Variants in CGGBP1 observed in about 807,000 individuals in gnomAD.
CGGBP1 encodes CGG triplet repeat-binding protein 1.
A neutral mutation model predicts 11.4 loss-of-function variants in CGGBP1; 4 were observed. The observed-to-expected ratio is 0.35, with a 90% CI of 0.17 to 0.80. The LOEUF is 0.80. CGGBP1 is among the 30% of genes least tolerant of loss of function. The pLI, the probability that CGGBP1 is intolerant of heterozygous loss-of-function variation, is 0.52. For missense variants in CGGBP1, 135 were observed against 202.1 expected, an observed-to-expected ratio of 0.67 and a Z score of 2.01; for synonymous variants, 76 against 74.1, an observed-to-expected ratio of 1.03 and a Z score of -0.13.
At chr3:88,133,415 A>T (rs1706581096) in intron 2 of CGGBP1, among the ~76,000 whole-genome samples, 1 of 152,150 alleles carries the variant, frequency 6.6e-6, no homozygotes, top group Non-Finnish European at 1.5e-5. Flanking sequence ...AATAGGTAGG[A>T]TCGATAAAAT....
chr3:88,084,776 G>A (rs556457188), intron 2 of CGGBP1, among the ~76,000 whole-genome samples: 2 of 152,152 alleles, frequency 1.3e-5, no homozygotes, highest in Non-Finnish European at 2.9e-5. Context: ...AGCAAGCAGC[G>A]TGAGTTTCGT....
At chr3:88,059,142 C>T, upstream of CGGBP1, 1 of 1,228,224 alleles carries the variant, frequency 8.1e-7, no homozygotes. Flanking sequence ...TTGCGTCTTC[C>T]AATAAAAACT....
At chr3:88,121,490 G>C (rs1035684472) in intron 2 of CGGBP1, among the ~76,000 whole-genome samples, 26 of 151,858 alleles carry the variant, frequency 1.7e-4, no homozygotes, top group African/African-American at 6.3e-4. Flanking sequence ...TGTTATAACT[G>C]TCCCCTTTAT....
chr3:88,092,960 T>C (rs1260794807), intron 2 of CGGBP1, among the ~76,000 whole-genome samples: 1 of 152,216 alleles, frequency 6.6e-6, no homozygotes. Context: ...ACTTGAGTGT[T>C]ATTTCAGATG....
At chr3:88,133,243 C>T (rs1198768001) in intron 2 of CGGBP1, among the ~76,000 whole-genome samples, 2 of 152,074 alleles carry the variant, frequency 1.3e-5, no homozygotes, top group African/African-American at 2.4e-5. Flanking sequence ...TAGGGCTTTT[C>T]CTAGAAAAGC....
intron 2 of CGGBP1, chr3:88,140,885 T>TA (rs774741547): frequency 6.2e-7 from 1 of 1,613,590 alleles, no homozygotes; most frequent in Non-Finnish European, 8.5e-7. Flanking sequence ...TTCTGACTGA[T>TA]AGAGTAGATG....
At chr3:88,136,222 G>T (rs1706774972) in intron 2 of CGGBP1, among the ~76,000 whole-genome samples, 1 of 152,036 alleles carries the variant, frequency 6.6e-6, no homozygotes, top group Non-Finnish European at 1.5e-5. Context: ...AATCTTATTG[G>T]TACCAAAAAT....
intron 2 of CGGBP1, among the ~76,000 whole-genome samples, chr3:88,101,749 A>G (rs1704438696): frequency 6.6e-6 from 1 of 152,150 alleles, no homozygotes; most frequent in Admixed American, 6.5e-5. Flanking sequence ...AAAACTGCTA[A>G]CCAAAGTGAC....
upstream of CGGBP1, chr3:88,059,611 T>C: frequency 8.1e-7 from 1 of 1,240,832 alleles, no homozygotes; most frequent in Non-Finnish European, 1.0e-6. Context: ...TGCCCGCTCC[T>C]CCCCAACAAG....
At chr3:88,094,336 T>C (rs964882248) in intron 2 of CGGBP1, among the ~76,000 whole-genome samples, 6 of 152,164 alleles carry the variant, frequency 3.9e-5, no homozygotes, top group African/African-American at 1.4e-4. Flanking sequence ...AATTTTGGTC[T>C]TTATTGCTCC....
rs1442865013 is a variant in CGGBP1 at position 88,054,389 on chromosome 3, A to G, written c.*1084T>C. The G allele has an allele frequency of 1.3e-5, 2 of 152,240 alleles. No individual in the cohort carries two copies. The highest frequency in any genetic ancestry group is 4.8e-5 in the African/African-American group (2 of 41,456). The allele number at this position is 152,240 out of a possible 1,614,324, so 9.4% of individuals were successfully genotyped here. A position where few individuals can be genotyped will look rare whatever the true frequency, so the allele number is the denominator to read the frequency against. ...GAGAACAATTTCCTCACCCAAAGTT[A>G]TGCAGGATACTGCCAGATCTCCAAT... On this transcript the variant is annotated 3_prime_UTR_variant, in exon 4 of 4. Transcript: ENST00000482016.
At chr3:88,129,094 T>G in intron 2 of CGGBP1, 3 of 998,868 alleles carry the variant, frequency 3.0e-6, no homozygotes, top group Non-Finnish European at 4.3e-6. Flanking sequence ...CCACTGTTGT[T>G]GTTAAATTCC....
chr3:88,081,541 T>C (rs1311704547), intron 2 of CGGBP1, among the ~76,000 whole-genome samples: 2 of 152,250 alleles, frequency 1.3e-5, no homozygotes, highest in Non-Finnish European at 2.9e-5. Context: ...TGCTAACATT[T>C]ATTTAATTAT....
At chr3:88,125,179 C>T (rs950188480) in intron 2 of CGGBP1, among the ~76,000 whole-genome samples, 3 of 150,382 alleles carry the variant, frequency 2.0e-5, no homozygotes, top group African/African-American at 7.3e-5. Context: ...CGTGCCACTG[C>T]ACTCCAGCCT....
intron 2 of CGGBP1, among the ~76,000 whole-genome samples, chr3:88,115,162 G>A (rs182212596): frequency 5.3e-4 from 80 of 152,234 alleles, no homozygotes; most frequent in Non-Finnish European, 5.3e-4. Flanking sequence ...AGTAGTTGTG[G>A]GAGGGGACCT....
At chr3:88,127,331 T>A (rs2107826993) in intron 2 of CGGBP1, among the ~76,000 whole-genome samples, 1 of 151,780 alleles carries the variant, frequency 6.6e-6, no homozygotes, top group African/African-American at 2.4e-5. Context: ...TGTGAAGGGA[T>A]GGGAGGTGGG....
chr3:88,129,317 G>A (rs1404343309), intron 2 of CGGBP1, among the ~76,000 whole-genome samples: 2 of 117,852 alleles, frequency 1.7e-5, no homozygotes, highest in Non-Finnish European at 3.5e-5. Flanking sequence ...CAGCTTGCCA[G>A]GAGTAAAAAA....
At chr3:88,106,681 A>C (rs566529374) in intron 2 of CGGBP1, among the ~76,000 whole-genome samples, 2 of 152,106 alleles carry the variant, frequency 1.3e-5, no homozygotes, top group South Asian at 2.1e-4. Context: ...TGTGGTGTTA[A>C]TTTGTTTAAT....
At chr3:88,100,677 GA>G (rs1027721641) in intron 2 of CGGBP1, among the ~76,000 whole-genome samples, 34 of 152,260 alleles carry the variant, frequency 2.2e-4, no homozygotes, top group African/African-American at 7.9e-4. Context: ...GATGAAGCTG[GA>G]AACCATCATT....
Sources: allele counts gnomAD v4.1 joint callset (sites outside exome capture counted in the v4.1 genomes callset), GRCh38; gene constraint gnomAD v4.1.1; transcripts MANE v1.5; gene names NCBI Gene and HGNC (gene_info 2026-07-23, HGNC 2026-07-21).